Variants in ARHGAP18 observed in about 807,000 individuals in gnomAD.
ARHGAP18 encodes the protein Rho GTPase activating protein 18, also known as rho GTPase-activating protein 18.
Under a neutral mutation model 86.2 loss-of-function variants are expected in ARHGAP18, and 67 were observed. The observed-to-expected ratio is 0.78, with a 90% confidence interval of 0.64 to 0.95. The LOEUF (loss-of-function observed/expected upper bound fraction) is 0.95, where lower values mean the gene tolerates loss of function less well. Ranked by LOEUF, ARHGAP18 falls within the 40% of genes least tolerant of loss-of-function variation. The probability of loss-of-function intolerance (pLI) is 0.00; values close to 1 mark genes in which losing one functional copy is unlikely to be tolerated. For missense variants in ARHGAP18, 691 were observed against 780.4 expected (o/e 0.89, Z 1.37); for synonymous variants, 283 against 280.4 (o/e 1.01, Z -0.09).
At chr6:129,591,417 G>A (rs1009439061) in intron 12 of ARHGAP18, among the ~76,000 whole-genome samples, 5 of 152,046 alleles carry the variant, frequency 3.3e-5, no homozygotes, top group African/African-American at 1.2e-4. Context: ...GGCAGTATTT[G>A]ACTAACACTC....
intron 5 of ARHGAP18, among the ~76,000 whole-genome samples, chr6:129,621,398 A>G (rs1054508527): frequency 6.6e-6 from 1 of 152,226 alleles, no homozygotes; most frequent in Non-Finnish European, 1.5e-5. Context: ...GAGAACATCA[A>G]ATAAACAGCA....
intron 6 of ARHGAP18, 34 bp from the exon 7 acceptor site, chr6:129,616,337 G>A (rs776060449): frequency 2.6e-6 from 4 of 1,509,780 alleles, no homozygotes; most frequent in Non-Finnish European, 3.7e-6. Flanking sequence ...CCTCACTTTT[G>A]TCAATCTATA....
chr6:129,664,536 A>G (rs1266831865), intron 1 of ARHGAP18, among the ~76,000 whole-genome samples: 1 of 152,172 alleles, frequency 6.6e-6, no homozygotes, highest in Non-Finnish European at 1.5e-5. Context: ...GTGTCTTAGG[A>G]GTCACCTAGA....
rs147578993 is a variant in ARHGAP18, at chr6:129,606,296, T to G, written c.1283-337A>C. On this transcript the variant is annotated intron_variant, in intron 9 of 14. Coordinates refer to ENST00000368149, the MANE Select transcript of ARHGAP18 (RefSeq NM_033515.3). The stretch of plus-strand genomic sequence containing the variant: ...ATGAAAAGACATAGAGGATTGGACC[T>G]TCCATGATACAGTATCAGGGTGCGT... Among the ~76,000 whole-genome samples, 326 of 152,334 alleles carry G rather than the reference T, an allele frequency of 2.1e-3. 2 individuals carry two copies. Among genetic ancestry groups the G allele is most frequent in the African/African-American group, 7.4e-3 (308 of 41,588 alleles).
chr6:129,620,353 A>G (rs574749034), intron 5 of ARHGAP18, among the ~76,000 whole-genome samples: 1 of 152,296 alleles, frequency 6.6e-6, no homozygotes, highest in African/African-American at 2.4e-5. Flanking sequence ...AGGATTTTGG[A>G]TTTTTGGATT....
At chr6:129,600,359 T>A (rs1180243347) in intron 11 of ARHGAP18, among the ~76,000 whole-genome samples, 1 of 151,986 alleles carries the variant, frequency 6.6e-6, no homozygotes, top group Admixed American at 6.6e-5. Flanking sequence ...GAAAAAGAAC[T>A]GAATAATCTG....
At chr6:129,694,058 T>G (rs1774572076) in intron 1 of ARHGAP18, among the ~76,000 whole-genome samples, 1 of 152,208 alleles carries the variant, frequency 6.6e-6, no homozygotes, top group Non-Finnish European at 1.5e-5. Context: ...GTACCTATTT[T>G]ACTACCAGTG....
At chr6:129,674,486 C>G (rs1774197078) in intron 1 of ARHGAP18, among the ~76,000 whole-genome samples, 1 of 152,206 alleles carries the variant, frequency 6.6e-6, no homozygotes, top group African/African-American at 2.4e-5. Context: ...AGTTCCACAT[C>G]TGTGGATTCA....
At chr6:129,699,359 T>C (rs1431971501) in intron 1 of ARHGAP18, among the ~76,000 whole-genome samples, 1 of 152,160 alleles carries the variant, frequency 6.6e-6, no homozygotes, top group Non-Finnish European at 1.5e-5. Context: ...GGGAAGGACA[T>C]TGTACTAAAG....
chr6:129,590,956 G>A (rs1357820711), intron 12 of ARHGAP18, among the ~76,000 whole-genome samples: 5 of 152,148 alleles, frequency 3.3e-5, no homozygotes, highest in Non-Finnish European at 5.9e-5. Flanking sequence ...AAGAAGAAAC[G>A]AGTTTAACCA....
chr6:129,616,359 TA>T (rs1373399961), intron 6 of ARHGAP18, 56 bp from the exon 7 acceptor site: 1 of 1,340,482 alleles, frequency 7.5e-7, no homozygotes, highest in Non-Finnish European at 1.0e-6. Context: ...AATATTAATA[TA>T]AAAATGTTAA....
chr6:129,611,813 C>T (rs1190737649), intron 7 of ARHGAP18, among the ~76,000 whole-genome samples: 1 of 152,134 alleles, frequency 6.6e-6, no homozygotes, highest in East Asian at 1.9e-4. Context: ...AAAAGTTGGG[C>T]CTTATGCTAC....
intron 1 of ARHGAP18, among the ~76,000 whole-genome samples, chr6:129,675,276 C>T (rs1457892783): frequency 2.0e-5 from 3 of 150,398 alleles, no homozygotes; most frequent in African/African-American, 2.4e-5. Flanking sequence ...GGTTGAGTGG[C>T]GGGAGGCTGA....
chr6:129,652,438 A>T (rs1008574034), intron 1 of ARHGAP18, among the ~76,000 whole-genome samples: 1 of 152,202 alleles, frequency 6.6e-6, no homozygotes, highest in Non-Finnish European at 1.5e-5. Context: ...TGAGAAATCT[A>T]TCAAGTCCTG....
At chr6:129,641,387 A>G (rs562025907) in intron 2 of ARHGAP18, among the ~76,000 whole-genome samples, 12 of 152,380 alleles carry the variant, frequency 7.9e-5, no homozygotes, top group African/African-American at 2.6e-4. Flanking sequence ...TTATAAATCA[A>G]TAAAACAAAG....
At chr6:129,649,912 T>TCG in intron 1 of ARHGAP18, among the ~76,000 whole-genome samples, 1 of 129,754 alleles carries the variant, frequency 7.7e-6, no homozygotes, top group African/African-American at 3.0e-5. Context: ...TTCTTTTTTT[T>TCG]TGTTTTTTTT....
chr6:129,605,766 T>C lies in ARHGAP18; in HGVS notation c.1365+111A>G, dbSNP rs139614205. The C allele has an allele frequency of 5.1e-6, 5 of 974,694 alleles. No individual in the cohort carries two copies. In the East Asian group the frequency reaches 1.2e-4, roughly 24 times the overall value. The allele number at this position is 974,694 out of a possible 1,614,324, so 60.4% of individuals were successfully genotyped here. A position where few individuals can be genotyped will look rare whatever the true frequency, so the allele number is the denominator to read the frequency against. On this transcript the variant is annotated intron_variant, in intron 10 of 14. Coordinates refer to ENST00000368149, the MANE Select transcript of ARHGAP18 (RefSeq NM_033515.3). ...TCCTTAAAAGTAGGCTTTTTCTTTA[T>C]AGACTTTTATGACCATGTCCAAGAT...
At chr6:129,580,679 T>A (rs1443917319) in intron 13 of ARHGAP18, among the ~76,000 whole-genome samples, 1 of 152,060 alleles carries the variant, frequency 6.6e-6, no homozygotes, top group East Asian at 1.9e-4. Flanking sequence ...TTGAGCCCAG[T>A]CTGGGCAACA....
chr6:129,619,509 G>A (rs142432460), intron 5 of ARHGAP18, among the ~76,000 whole-genome samples: 1,097 of 43,964 alleles, frequency 0.025, 66 homozygotes, highest in Non-Finnish European at 0.033. Context: ...AAGGGGAAGG[G>A]AAGGGGGAGG....
Sources: gnomAD v4.1 joint callset for allele counts (sites outside exome capture counted in the v4.1 genomes callset) on GRCh38, gnomAD v4.1.1 for gene constraint, MANE v1.5 for transcripts, NCBI Gene and HGNC (gene_info 2026-07-23, HGNC 2026-07-21) for gene names.